MYT1L: variants seen among roughly 807,000 people sequenced by gnomAD.
The protein encoded by MYT1L is myelin transcription factor 1 like.
A neutral mutation model predicts 126.7 loss-of-function variants in MYT1L; 12 were observed. The ratio of observed to expected loss-of-function variants is 0.09; its 90% CI spans 0.06 to 0.15. The LOEUF (loss-of-function observed/expected upper bound fraction) is 0.15. MYT1L is among the 10% of genes least tolerant of loss of function. MYT1L has a pLI of 1.00. For missense variants in MYT1L, 979 were observed against 1,585.2 expected (o/e 0.62, Z 6.49); for synonymous variants, 541 against 604.2 (o/e 0.90, Z 1.53).
chr2:1,946,438 G>A (rs1375949995), intron 8 of MYT1L, among the ~76,000 whole-genome samples: 2 of 152,104 alleles, frequency 1.3e-5, no homozygotes, highest in East Asian at 3.9e-4. Flanking sequence ...GATGGGGACC[G>A]CTGCCCAGGA....
At chr2:2,181,083 T>C (rs1300988870) in intron 2 of MYT1L, among the ~76,000 whole-genome samples, 1 of 151,336 alleles carries the variant, frequency 6.6e-6, no homozygotes, top group Admixed American at 6.6e-5. Flanking sequence ...TGCTTGTGTA[T>C]GTACCTGTGT....
At chr2:1,850,724 A>G (rs1572862639) in intron 19 of MYT1L, among the ~76,000 whole-genome samples, 1 of 152,058 alleles carries the variant, frequency 6.6e-6, no homozygotes, top group Admixed American at 6.6e-5. Flanking sequence ...GCATTTGGAT[A>G]TCCTACCACC....
chr2:1,957,797 T>A (rs1188760363), intron 8 of MYT1L, among the ~76,000 whole-genome samples: 1 of 151,124 alleles, frequency 6.6e-6, no homozygotes, highest in East Asian at 2.0e-4. Flanking sequence ...AGCCTCCCAG[T>A]CTCCAGGGAG....
intron 3 of MYT1L, among the ~76,000 whole-genome samples, chr2:2,061,222 G>A (rs554377681): frequency 2.6e-5 from 4 of 151,900 alleles, no homozygotes; most frequent in East Asian, 3.9e-4. Context: ...GGTTTAACTC[G>A]TCCATGGCCC....
intron 18 of MYT1L, among the ~76,000 whole-genome samples, chr2:1,865,776 CA>C (rs991023658): frequency 6.6e-5 from 10 of 152,182 alleles, no homozygotes; most frequent in African/African-American, 2.4e-4. Context: ...GCTCAGTACA[CA>C]AGGCGCGTGG....
At chr2:2,062,412 C>G (rs973160742) in intron 3 of MYT1L, among the ~76,000 whole-genome samples, 2 of 152,168 alleles carry the variant, frequency 1.3e-5, no homozygotes, top group Admixed American at 6.5e-5. Context: ...CGTGTCCTCC[C>G]ATCTGGCCTC....
In MYT1L at chr2:1,793,397, C is replaced by A. The variant is rs2032653025; in HGVS notation, c.3277-933G>T. ...TGCCTCTGCCGTGCATGATCTGGGGCTTCTTCCTGGAAGACCGGGCCGACC... is the reference window on the plus strand; with the variant it reads ...TGCCTCTGCCGTGCATGATCTGGGGATTCTTCCTGGAAGACCGGGCCGACC... On this transcript the variant is annotated intron_variant, in intron 23 of 24. Coordinates refer to ENST00000647738, the MANE Select transcript of MYT1L (RefSeq NM_001303052.2). The surrounding 1 kb of genome is among the most constrained non-coding windows in gnomAD (Gnocchi z 4.6). Among the ~76,000 whole-genome samples, 1 of 152,222 alleles carries A rather than the reference C, an allele frequency of 6.6e-6. No homozygotes were observed. Among genetic ancestry groups the A allele is most frequent in the Non-Finnish European group, 1.5e-5 (1 of 68,040 alleles).
intron 3 of MYT1L, among the ~76,000 whole-genome samples, chr2:2,121,814 C>G (rs959514153): frequency 7.9e-5 from 12 of 152,308 alleles, no homozygotes; most frequent in Admixed American, 5.9e-4. Flanking sequence ...ATTATGAATG[C>G]AGTCTTCGTC....
Position 2,136,721 on chromosome 2 carries a change from G to A in MYT1L, c.-304+36151C>T, listed in dbSNP as rs577630486. Among the ~76,000 whole-genome samples the A allele has an allele frequency of 7.7e-5, 10 of 129,156 alleles. No individual in the cohort carries two copies. The East Asian group carries it at 2.4e-3, about 30-fold the overall frequency. 84.7% of individuals were successfully genotyped at this position (129,156 alleles called of 152,430 possible). ...TCAGTAATCTATCACACATCCTCGT[G>A]AGGCTTGTTTATACTGAATTGGCAT... On this transcript the variant is annotated intron_variant, in intron 3 of 24. Coordinates refer to ENST00000647738, the MANE Select transcript of MYT1L (RefSeq NM_001303052.2).
At chr2:2,058,807 C>T (rs763278206) in intron 3 of MYT1L, among the ~76,000 whole-genome samples, 30 of 152,250 alleles carry the variant, frequency 2.0e-4, no homozygotes, top group Admixed American at 3.9e-4. Flanking sequence ...GTATGATTCT[C>T]TTACTTCAGA....
chr2:2,138,247 G>C (rs2083352603), intron 3 of MYT1L, among the ~76,000 whole-genome samples: 2 of 150,692 alleles, frequency 1.3e-5, no homozygotes, highest in South Asian at 4.2e-4. Context: ...CTGTTGGTGG[G>C]ACTGGAAACT....
chr2:1,844,289 G>A (rs1294386216), intron 19 of MYT1L, among the ~76,000 whole-genome samples: 1 of 152,170 alleles, frequency 6.6e-6, no homozygotes, highest in African/African-American at 2.4e-5. Flanking sequence ...TTAATGCATG[G>A]CTGGAACCTT....
At chr2:2,188,178 T>C (rs895498121) in intron 2 of MYT1L, among the ~76,000 whole-genome samples, 7 of 152,160 alleles carry the variant, frequency 4.6e-5, no homozygotes, top group African/African-American at 1.7e-4. Flanking sequence ...GCAAAACACC[T>C]ATATTTGTGT....
At chr2:1,798,544 G>A (rs907254850) in intron 23 of MYT1L, among the ~76,000 whole-genome samples, 35 of 152,146 alleles carry the variant, frequency 2.3e-4, no homozygotes, top group Non-Finnish European at 4.4e-4. Context: ...CTCTGGCTTG[G>A]GCTCTGTGCA....
Position 1,896,933 on chromosome 2 carries a change from G to C in MYT1L, c.2033-4646C>G, listed in dbSNP as rs75029167. ...TTAAATTATCCTGAAGTTATAAAAT[G>C]TAGATGTGACGATGCATTGACTTTC... is the stretch of plus-strand genomic sequence containing the variant. On this transcript the variant is annotated intron_variant, in intron 14 of 24. Transcript: ENST00000647738. 1.6e-3 allele frequency among the ~76,000 whole-genome samples: 244 copies of C among 152,256 alleles called. 1 individual carries two copies. The highest frequency in any genetic ancestry group is 5.7e-3 in the African/African-American group (238 of 41,542).
intron 2 of MYT1L, among the ~76,000 whole-genome samples, chr2:2,278,212 C>A (rs1309806470): frequency 6.6e-6 from 1 of 152,208 alleles, no homozygotes; most frequent in African/African-American, 2.4e-5. Flanking sequence ...GTGTGACACA[C>A]AGCAACTCAT....
intron 9 of MYT1L, among the ~76,000 whole-genome samples, chr2:1,923,614 C>A (rs1000614138): frequency 6.6e-6 from 1 of 152,224 alleles, no homozygotes; most frequent in Non-Finnish European, 1.5e-5. Flanking sequence ...TTATCTATAG[C>A]CTCGCCAGAT....
At chr2:1,869,653 C>G (rs13425445) in intron 18 of MYT1L, among the ~76,000 whole-genome samples, 13,010 of 152,278 alleles carry the variant, frequency 0.085, 663 homozygotes, top group African/African-American at 0.12. Flanking sequence ...TCTGTGGTAT[C>G]TAGTGATTAC....
At chr2:1,861,073 C>A (rs898801632) in intron 18 of MYT1L, among the ~76,000 whole-genome samples, 1 of 152,172 alleles carries the variant, frequency 6.6e-6, no homozygotes, top group Admixed American at 6.5e-5. Flanking sequence ...AAACTCAACA[C>A]AGCTCAGATA....
Sources: gnomAD v4.1 joint callset for allele counts (sites outside exome capture counted in the v4.1 genomes callset) on GRCh38, gnomAD v4.1.1 for gene constraint, Gnocchi (gnomAD v3.1) non-coding constraint, MANE v1.5 for transcripts, NCBI Gene and HGNC (gene_info 2026-07-23, HGNC 2026-07-21) for gene names.